Variants in AKAP13 observed in about 807,000 individuals in gnomAD.
AKAP13 encodes the protein A-kinase anchoring protein 13.
AKAP13 carries 80 observed loss-of-function variants against 264.5 expected under a neutral mutation model. The observed-to-expected ratio is 0.30, with a 90% CI of 0.25 to 0.36. The LOEUF (loss-of-function observed/expected upper bound fraction) is 0.36, where lower values mean the gene tolerates loss of function less well. AKAP13 is among the 10% of genes least tolerant of loss of function. The pLI is 1.00. For missense variants in AKAP13, 3,712 were observed against 3,435.2 expected (o/e 1.08, Z -2.01); for synonymous variants, 1,380 against 1,250.2 (o/e 1.10, Z -2.19).
intron 1 of AKAP13, among the ~76,000 whole-genome samples, chr15:85,460,278 C>T (rs559780604): frequency 6.6e-6 from 1 of 152,178 alleles, no homozygotes; most frequent in Non-Finnish European, 1.5e-5. Flanking sequence ...CTATTGTGTG[C>T]AATTTTATGT....
chr15:85,704,151 G>C (rs1469958028), intron 17 of AKAP13, among the ~76,000 whole-genome samples: 1 of 152,174 alleles, frequency 6.6e-6, no homozygotes, highest in Non-Finnish European at 1.5e-5. Flanking sequence ...TCTGTAGGCA[G>C]AACAGTCAGA....
chr15:85,488,749 G>C (rs113938122), intron 2 of AKAP13, among the ~76,000 whole-genome samples: 2 of 152,306 alleles, frequency 1.3e-5, no homozygotes, highest in African/African-American at 4.8e-5. Context: ...GCTGGAAATA[G>C]CAAAAGAACA....
At chr15:85,557,497 G>T (rs556639164) in intron 5 of AKAP13, among the ~76,000 whole-genome samples, 3 of 151,816 alleles carry the variant, frequency 2.0e-5, no homozygotes, top group African/African-American at 7.2e-5. Context: ...TTTGTTGTTT[G>T]TTTTGAGATA....
intron 8 of AKAP13, among the ~76,000 whole-genome samples, chr15:85,631,638 G>C (rs553236531): frequency 6.6e-6 from 1 of 151,866 alleles, no homozygotes; most frequent in African/African-American, 2.4e-5. Flanking sequence ...AATAAAGTCC[G>C]GAGTTTACTT....
At chr15:85,744,479 T>A (rs2089302430) in intron 36 of AKAP13, 149 bp from the exon 37 acceptor site, 1 of 797,782 alleles carries the variant, frequency 1.3e-6, no homozygotes, top group Admixed American at 2.0e-5. Context: ...TAACCAAATT[T>A]GTTCAGAAAC....
chr15:85,736,820 A>G (rs1459185430), intron 33 of AKAP13, among the ~76,000 whole-genome samples: 1 of 152,152 alleles, frequency 6.6e-6, no homozygotes, highest in Non-Finnish European at 1.5e-5. Flanking sequence ...GCCTGATACT[A>G]AGAGCCACAG....
At chr15:85,691,720 C>T (rs1469670927) in intron 16 of AKAP13, 2 of 444,892 alleles carry the variant, frequency 4.5e-6, no homozygotes. Flanking sequence ...TGCTTTGTAC[C>T]TAGCCCGGTT....
At chr15:85,569,650 G>C (rs930618926) in intron 5 of AKAP13, among the ~76,000 whole-genome samples, 1 of 151,790 alleles carries the variant, frequency 6.6e-6, no homozygotes, top group Non-Finnish European at 1.5e-5. Context: ...AGGGGGTTTC[G>C]CCATGTTGGC....
chr15:85,655,524 C>A lies in AKAP13; in HGVS notation c.4482C>A (p.Ser1494=), dbSNP rs34964108. Residue 1494 remains serine, a synonymous_variant, in exon 11 of 37, where the codon TCC becomes TCA. Coordinates refer to ENST00000394518, the MANE Select transcript of AKAP13 (RefSeq NM_007200.5). ...CTCATGGCAGTGATGTGTCTCTCTC[C>A]CAGATTTTAAAGCCAAACAGGTCAA... is the stretch of plus-strand genomic sequence containing the variant. ...HSSHGSDVSL[S]QILKPNRSRD... 1 of 1,614,196 alleles carries A rather than the reference C, an allele frequency of 6.2e-7. No homozygotes were observed. Among genetic ancestry groups the A allele is most frequent in the Non-Finnish European group, 8.5e-7 (1 of 1,180,028 alleles).
chr15:85,508,978 A>T (rs2076329836), intron 2 of AKAP13, among the ~76,000 whole-genome samples: 1 of 152,180 alleles, frequency 6.6e-6, no homozygotes, highest in Non-Finnish European at 1.5e-5. Context: ...GACAAACTTT[A>T]ACCCCTTTAT....
chr15:85,458,291 A>C (rs1387888948), intron 1 of AKAP13, among the ~76,000 whole-genome samples: 26 of 151,928 alleles, frequency 1.7e-4, no homozygotes, highest in Non-Finnish European at 2.9e-5. Flanking sequence ...ATAAAGTAGA[A>C]AAATGAAAAT....
At chr15:85,487,803 C>T (rs924717873) in intron 2 of AKAP13, among the ~76,000 whole-genome samples, 2 of 151,746 alleles carry the variant, frequency 1.3e-5, no homozygotes, top group Admixed American at 6.6e-5. Flanking sequence ...ATGATCATAG[C>T]TCACAGCATC....
At chr15:85,696,640 A>G (rs1013717473) in intron 17 of AKAP13, among the ~76,000 whole-genome samples, 6 of 152,216 alleles carry the variant, frequency 3.9e-5, no homozygotes, top group African/African-American at 9.7e-5. Flanking sequence ...ATTAATATTC[A>G]GGGAACTTCA....
chr15:85,667,451 G>A (rs1202162735), intron 13 of AKAP13, among the ~76,000 whole-genome samples: 2 of 152,048 alleles, frequency 1.3e-5, no homozygotes, highest in Non-Finnish European at 2.9e-5. Context: ...AACAGAGAAA[G>A]GAAGAAAAAA....
chr15:85,396,356 A>G (rs2071111135), intron 1 of AKAP13, among the ~76,000 whole-genome samples: 1 of 152,170 alleles, frequency 6.6e-6, no homozygotes, highest in Admixed American at 6.5e-5. Flanking sequence ...TGACCTAAGA[A>G]TGTGGTGCGT....
chr15:85,620,101 C>G, intron 8 of AKAP13: 2 of 1,536,036 alleles, frequency 1.3e-6, no homozygotes, highest in Non-Finnish European at 1.7e-6. Context: ...AATGTATGAA[C>G]GGCACAAGAG....
At chr15:85,610,433 A>G (rs905429008) in intron 8 of AKAP13, among the ~76,000 whole-genome samples, 1 of 152,174 alleles carries the variant, frequency 6.6e-6, no homozygotes, top group African/African-American at 2.4e-5. Context: ...TTTGGTTTCT[A>G]TGGCAGGATC....
intron 16 of AKAP13, chr15:85,690,132 A>C (rs540222518): frequency 3.9e-5 from 6 of 152,366 alleles, no homozygotes; most frequent in Middle Eastern, 3.4e-3. Context: ...TTAAAGCACT[A>C]AATTCTAGTA....
At position 85,708,216 on chromosome 15, in the gene AKAP13, A is replaced by C; in HGVS notation, c.5532+130A>C. Reference sequence around the variant, plus strand: ...ATCATTTGGTACCAACTTTGAGAACAAATTATAACTAAAAAATATTTTTTC... The same window carrying C: ...ATCATTTGGTACCAACTTTGAGAACCAATTATAACTAAAAAATATTTTTTC... On this transcript the variant is annotated intron_variant, in intron 18 of 36. Coordinates refer to ENST00000394518, the MANE Select transcript of AKAP13 (RefSeq NM_007200.5). This position sits in a 1 kb window ranked among gnomAD's most constrained non-coding sequence, Gnocchi z 4.3. 1 of 745,576 alleles carries C rather than the reference A, an allele frequency of 1.3e-6. No homozygotes were observed. Among genetic ancestry groups the C allele is most frequent in the Middle Eastern group, 2.5e-4 (1 of 3,986 alleles). 46.2% of individuals were successfully genotyped at this position (745,576 alleles called of 1,614,324 possible). A position where few individuals can be genotyped will look rare whatever the true frequency, so the allele number is the denominator to read the frequency against.
Sources: gnomAD v4.1 joint callset for allele counts (sites outside exome capture counted in the v4.1 genomes callset) on GRCh38, gnomAD v4.1.1 for gene constraint, Gnocchi (gnomAD v3.1) non-coding constraint, MANE v1.5 for transcripts, NCBI Gene and HGNC (gene_info 2026-07-23, HGNC 2026-07-21) for gene names.